NFIA: variants seen among roughly 807,000 people sequenced by gnomAD.
NFIA encodes the protein nuclear factor I A, also known as nuclear factor 1 A-type.
NFIA carries 8 observed loss-of-function variants against 62.8 expected under a neutral mutation model. The observed-to-expected ratio is 0.13, with a 90% CI of 0.07 to 0.23. The LOEUF (loss-of-function observed/expected upper bound fraction) is 0.23. NFIA is among the 10% of genes least tolerant of loss of function. NFIA has a pLI of 1.00. For missense variants in NFIA, 410 were observed against 642.1 expected (o/e 0.64, Z 3.91); for synonymous variants, 235 against 238.1 (o/e 0.99, Z 0.12).
At position 61,384,648 on chromosome 1, in the gene NFIA, G is replaced by C. The variant is rs559957280; in HGVS notation, c.1075+1283G>C. Reference sequence around the variant, plus strand: ...TTAACACTCATTGAGCATATAAACTGTAGTGGGGGATCAGAGATATGAAGC... The same window carrying C: ...TTAACACTCATTGAGCATATAAACTCTAGTGGGGGATCAGAGATATGAAGC... On this transcript the variant is annotated intron_variant, in intron 7 of 10. Coordinates refer to ENST00000403491, the MANE Select transcript of NFIA (RefSeq NM_001134673.4). Among the ~76,000 whole-genome samples, 49 of 152,324 alleles carry C rather than the reference G, an allele frequency of 3.2e-4. No individual in the cohort carries two copies. In the South Asian group the frequency reaches 8.9e-3, roughly 28 times the overall value.
chr1:61,349,107 T>A (rs1570619609), intron 4 of NFIA, among the ~76,000 whole-genome samples: 1 of 152,170 alleles, frequency 6.6e-6, no homozygotes, highest in African/African-American at 2.4e-5. Flanking sequence ...GCCTATTTCA[T>A]ACATAAAGAT....
intron 2 of NFIA, among the ~76,000 whole-genome samples, chr1:61,100,644 G>A (rs1646492106): frequency 6.6e-6 from 1 of 152,130 alleles, no homozygotes; most frequent in Admixed American, 6.5e-5. Flanking sequence ...CCTAGCTGGA[G>A]TGCAGTGGTG....
Position 61,203,673 on chromosome 1 carries a change from G to A in NFIA, c.560-73847G>A, listed in dbSNP as rs189327661. On this transcript the variant is annotated intron_variant, in intron 2 of 10. Coordinates refer to ENST00000403491, the MANE Select transcript of NFIA (RefSeq NM_001134673.4). ...CATGTAGTGGTTAAATCTGGTTTAC[G>A]TTGTAGTTGTTTGTGTGTAAGGAGG... 5.4e-3 allele frequency among the ~76,000 whole-genome samples: 820 copies of A among 152,192 alleles called. 20 individuals are homozygous for A. The highest frequency in any genetic ancestry group is 0.05 in the Admixed American group (760 of 15,280).
chr1:61,306,120 G>C (rs1407567747), intron 3 of NFIA, among the ~76,000 whole-genome samples: 1 of 151,384 alleles, frequency 6.6e-6, no homozygotes, highest in East Asian at 2.0e-4. Context: ...AAAGTGCTGG[G>C]ATTACAGGCG....
rs535129037 is a variant in NFIA at position 61,282,046 on chromosome 1, G to A, written c.625+4461G>A. ...AAGCTGAAAACCTAATTTGGGTGTG[G>A]GGGAAGGCTGTCCTCAGACACATGG... On this transcript the variant is annotated intron_variant, in intron 3 of 10. Coordinates refer to ENST00000403491, the MANE Select transcript of NFIA (RefSeq NM_001134673.4). Among the ~76,000 whole-genome samples, 3 of 152,214 alleles carry A rather than the reference G, an allele frequency of 2.0e-5. No individual in the cohort carries two copies. In the East Asian group the frequency reaches 5.8e-4, roughly 29 times the overall value.
At chr1:61,396,847 C>A in intron 7 of NFIA, among the ~76,000 whole-genome samples, 1 of 151,744 alleles carries the variant, frequency 6.6e-6, no homozygotes, top group Non-Finnish European at 1.5e-5. Context: ...TAAAAAAATT[C>A]AAAAATTAGC....
chr1:61,217,520 G>T (rs1055610042), intron 2 of NFIA, among the ~76,000 whole-genome samples: 1 of 152,140 alleles, frequency 6.6e-6, no homozygotes, highest in Non-Finnish European at 1.5e-5. Flanking sequence ...TGTGCTTCCA[G>T]AGCTGCTCAG....
At position 61,175,644 on chromosome 1, in the gene NFIA, T is replaced by C. The variant is rs535847232; in HGVS notation, c.559+86964T>C. Among the ~76,000 whole-genome samples the C allele has an allele frequency of 7.2e-5, 11 of 152,366 alleles. No individual in the cohort carries two copies. The South Asian group carries it at 2.1e-3, about 29-fold the overall frequency. Reference sequence around the variant, plus strand: ...TGAACCTACACTATAGGAAGCCTTATTCTAGTAGGCCAGTATTTATGCAGA... The same window carrying C: ...TGAACCTACACTATAGGAAGCCTTACTCTAGTAGGCCAGTATTTATGCAGA... On this transcript the variant is annotated intron_variant, in intron 2 of 10. Transcript: ENST00000403491.
intron 2 of NFIA, among the ~76,000 whole-genome samples, chr1:61,154,430 A>G (rs1570275539): frequency 6.6e-6 from 1 of 152,300 alleles, no homozygotes; most frequent in Non-Finnish European, 1.5e-5. Context: ...TGCTGGGATT[A>G]TAGGCATGAG....
chr1:61,198,549 A>G (rs1316448115), intron 2 of NFIA, among the ~76,000 whole-genome samples: 1 of 152,226 alleles, frequency 6.6e-6, no homozygotes, highest in Non-Finnish European at 1.5e-5. Flanking sequence ...TGGGCTTGCA[A>G]CTGAGAATAG....
chr1:61,359,360 G>A, intron 6 of NFIA, 86 bp downstream of exon 6: 1 of 1,584,178 alleles, frequency 6.3e-7, no homozygotes, highest in Non-Finnish European at 8.6e-7. Context: ...TAAAAGTGAA[G>A]AAAGAAAGCT....
At chr1:61,304,322 C>G (rs570635092) in intron 3 of NFIA, among the ~76,000 whole-genome samples, 2 of 152,244 alleles carry the variant, frequency 1.3e-5, no homozygotes, top group Non-Finnish European at 2.9e-5. Context: ...CATCATTGAG[C>G]TATGCTCTCT....
intron 2 of NFIA, among the ~76,000 whole-genome samples, chr1:61,257,179 G>C (rs1249769857): frequency 1.3e-5 from 2 of 151,976 alleles, no homozygotes; most frequent in African/African-American, 4.8e-5. Flanking sequence ...AGAGAATTGA[G>C]GCAAGAATAG....
chr1:61,230,079 G>T (rs970841952), intron 2 of NFIA, among the ~76,000 whole-genome samples: 7 of 152,104 alleles, frequency 4.6e-5, no homozygotes, highest in Admixed American at 2.6e-4. Flanking sequence ...ATTTGGAAAT[G>T]ATAGAATTAT....
chr1:61,369,084 T>G (rs1325026110), intron 6 of NFIA, among the ~76,000 whole-genome samples: 1 of 152,188 alleles, frequency 6.6e-6, no homozygotes, highest in Non-Finnish European at 1.5e-5. Context: ...CATCAGCCAT[T>G]TCATCGTTAA....
At chr1:61,344,618 G>T (rs539186844) in intron 4 of NFIA, among the ~76,000 whole-genome samples, 11 of 152,286 alleles carry the variant, frequency 7.2e-5, no homozygotes, top group Admixed American at 6.5e-4. Context: ...TCTATATCTT[G>T]TCCACTGATG....
intron 3 of NFIA, among the ~76,000 whole-genome samples, chr1:61,320,725 A>C (rs1297486440): frequency 4.6e-5 from 7 of 152,080 alleles, no homozygotes; most frequent in Non-Finnish European, 1.5e-5. Flanking sequence ...ATTCTCTGTA[A>C]ATGGTCTGTC....
At chr1:61,201,217 A>ATCC (rs1235138599) in intron 2 of NFIA, among the ~76,000 whole-genome samples, 1 of 152,198 alleles carries the variant, frequency 6.6e-6, no homozygotes, top group Non-Finnish European at 1.5e-5. Context: ...TATGGAAAAT[A>ATCC]TAATGATTGT....
chr1:61,123,274 G>A (rs1646917215), intron 2 of NFIA, among the ~76,000 whole-genome samples: 2 of 152,296 alleles, frequency 1.3e-5, no homozygotes, highest in South Asian at 2.1e-4. Context: ...CATCCTACTG[G>A]CAGCTGTTTT....
Sources: allele counts gnomAD v4.1 joint callset (sites outside exome capture counted in the v4.1 genomes callset), GRCh38; gene constraint gnomAD v4.1.1; transcripts MANE v1.5; gene names NCBI Gene and HGNC (gene_info 2026-07-23, HGNC 2026-07-21).